The following CASKIN1 variants were observed in gnomAD, a reference collection of about 807,000 sequenced individuals.
CASKIN1 encodes the protein CASK interacting protein 1, also known as caskin-1.
CASKIN1 carries 42 observed loss-of-function variants against 117.5 expected under a neutral mutation model. That is an observed-to-expected ratio of 0.36 (90% CI 0.28 to 0.46). The LOEUF is 0.46. Among genes scored for constraint, CASKIN1 ranks in the 20% least tolerant of loss-of-function variants. The pLI, the probability that CASKIN1 is intolerant of heterozygous loss-of-function variation, is 1.00. For missense variants in CASKIN1, 2,083 were observed against 2,077.3 expected, an observed-to-expected ratio of 1.00 and a Z score of -0.05; for synonymous variants, 1,148 against 961.7, an observed-to-expected ratio of 1.19 and a Z score of -3.59.
intron 6 of CASKIN1, among the ~76,000 whole-genome samples, chr16:2,188,187 C>CT (rs2093190558): frequency 6.7e-6 from 1 of 150,362 alleles, no homozygotes; most frequent in East Asian, 2.0e-4. Flanking sequence ...CACTCAGCTG[C>CT]TTTTTTTATA....
chr16:2,180,147 A>G lies in CASKIN1; in HGVS notation c.3221T>C (p.Leu1074Pro), dbSNP rs780031450. Residue 1074 changes from leucine to proline, a missense_variant, in exon 18 of 20, where the codon CTG (leucine) becomes CCG (proline). Around this residue, in one of 3 missense-constraint regions of CASKIN1, gnomAD observed 1,818 missense variants for 1,688.9 expected, o/e 1.08. Transcript: ENST00000343516. ...CCCAGGCCCCCGGCGGGCAGTGGCC[A>G]GAAGTCCGGTGACTGGCCCGCTGAG... Reference protein sequence around the residue: ...RTLSGPVTGLLATARRGPGES... With the variant: ...RTLSGPVTGLPATARRGPGES... 6.4e-7 allele frequency: 1 copy of G among 1,555,434 alleles called. No homozygotes were observed. Among genetic ancestry groups the G allele is most frequent in the South Asian group, 1.2e-5 (1 of 84,918 alleles).
In CASKIN1 at chr16:2,183,932, C is replaced by T; in HGVS notation, c.1426G>A (p.Ala476Thr). 3.1e-6 allele frequency: 5 copies of T among 1,600,940 alleles called. No homozygotes were observed. In the South Asian group the frequency reaches 3.3e-5, roughly 11 times the overall value. The change falls in exon 15 of 20, where the codon GCC becomes ACC. Residue 476 changes from alanine to threonine, a missense_variant. Ala to Thr is a moderately conservative substitution (Grantham distance 58). Transcript: ENST00000343516. ...AACGCGGTGAGCCACTGGCTCACGG[C>T]CTCAGAGCTCTGGAAGACACAAGGC... ...EPASEGKSSE[A>T]VSQWLTAFQL...
Position 2,180,969 on chromosome 16 carries a change from G to A in CASKIN1, c.2399C>T (p.Ala800Val). The A allele has an allele frequency of 6.8e-7, 1 of 1,468,420 alleles. No individual in the cohort carries two copies. Among genetic ancestry groups the A allele is most frequent in the Non-Finnish European group, 9.0e-7 (1 of 1,115,382 alleles). The allele number at this position is 1,468,420 out of a possible 1,614,324, so 91.0% of individuals were successfully genotyped here. Residue 800 changes from alanine to valine, a missense_variant, in exon 18 of 20, where the codon GCT (alanine) becomes GTT (valine). Physicochemically the swap from Ala to Val is moderately conservative, Grantham distance 64. This residue lies in a region of CASKIN1 where 1,818 missense variants were observed against 1,688.9 expected (regional missense o/e 1.08). Coordinates refer to ENST00000343516, the MANE Select transcript of CASKIN1 (RefSeq NM_020764.4). ...ALGGPHGPAPATAKVKPTPQL... is the reference protein window; with the variant it reads ...ALGGPHGPAPVTAKVKPTPQL... ...CGGGGTGGGCTTCACCTTGGCCGTA[G>A]CTGGGGCTGGACCATGAGGTCCCCC...
Position 2,196,268 on chromosome 16 carries a change from C to T in CASKIN1, c.94+71G>A. 3 of 617,456 alleles carry T rather than the reference C, an allele frequency of 4.9e-6. No individual in the cohort carries two copies. Among genetic ancestry groups the T allele is most frequent in the Non-Finnish European group, 4.3e-6 (2 of 464,756 alleles). 38.2% of individuals were successfully genotyped at this position (617,456 alleles called of 1,614,324 possible). A position where few individuals can be genotyped will look rare whatever the true frequency, so the allele number is the denominator to read the frequency against. On this transcript the variant is annotated intron_variant, in intron 1 of 19. Transcript: ENST00000343516. The surrounding 1 kb of genome is among the most constrained non-coding windows in gnomAD (Gnocchi z 5.7). ...ACAACGTCCCCTCCCCGCCCGGCGCCGGGTGGGGGGCTCCGCGCCGGGGAG... is the reference window on the plus strand; with the variant it reads ...ACAACGTCCCCTCCCCGCCCGGCGCTGGGTGGGGGGCTCCGCGCCGGGGAG...
chr16:2,180,793 C>T lies in CASKIN1; in HGVS notation c.2575G>A (p.Ala859Thr). ...GGGGGCAGGCACAGTGTGGGCACAG[C>T]CGTCGGCACGGGTGGGGGCGCAGGC... ...PGPAPPPVPTAVPTLCLPPEA... is the reference protein window; with the variant it reads ...PGPAPPPVPTTVPTLCLPPEA... Residue 859 changes from alanine (A) to threonine (T), a missense_variant, in exon 18 of 20, where the codon GCT (alanine) becomes ACT (threonine). Coordinates refer to ENST00000343516, the MANE Select transcript of CASKIN1 (RefSeq NM_020764.4). 1 of 1,403,774 alleles carries T rather than the reference C, an allele frequency of 7.1e-7. No individual in the cohort carries two copies. The allele number at this position is 1,403,774 out of a possible 1,614,324, so 87.0% of individuals were successfully genotyped here. A position where few individuals can be genotyped will look rare whatever the true frequency, so the allele number is the denominator to read the frequency against.
chr16:2,186,926 C>A, intron 9 of CASKIN1, 52 bp downstream of exon 9: 1 of 1,603,816 alleles, frequency 6.2e-7, no homozygotes, highest in Non-Finnish European at 8.5e-7. Flanking sequence ...GGGGTGCGCA[C>A]GCCCAGGTGC....
chr16:2,189,595 C>T (rs746432381), intron 3 of CASKIN1, 31 bp from the exon 4 acceptor site: 3 of 1,568,384 alleles, frequency 1.9e-6, no homozygotes, highest in Non-Finnish European at 8.6e-7. Flanking sequence ...GGGAGCTGAC[C>T]CTTGACCCCA....
chr16:2,181,437 C>G lies in CASKIN1; in HGVS notation c.1931G>C (p.Cys644Ser). The G allele has an allele frequency of 6.2e-7, 1 of 1,612,272 alleles. No individual in the cohort carries two copies. The change falls in exon 18 of 20, where the codon TGC becomes TCC. Residue 644 changes from cysteine to serine, a missense_variant. By Grantham distance (112) the Cys-to-Ser change is moderately radical. Coordinates refer to ENST00000343516, the MANE Select transcript of CASKIN1 (RefSeq NM_020764.4). Reference protein sequence around the residue: ...PPPPEPTPADCQSPKMTTFQD... With the variant: ...PPPPEPTPADSQSPKMTTFQD... The stretch of plus-strand genomic sequence containing the variant: ...GAAGGTGGTCATTTTAGGGGACTGG[C>G]AGTCGGCCGGTGTGGGCTCAGGCGG...
At chr16:2,178,760 G>C in intron 19 of CASKIN1, 114 bp from the exon 20 acceptor site, 1 of 1,324,030 alleles carries the variant, frequency 7.6e-7, no homozygotes, top group Middle Eastern at 2.7e-4. Flanking sequence ...ACCGCACGAC[G>C]ACCTCGGCGG....
At position 2,196,545 on chromosome 16, in the gene CASKIN1, CTCGCCGCCCGCCGCCCCT is replaced by C. The variant is rs1446448498; in HGVS notation, c.-131_-114del. ...CCCCCGCCGCCTCCCCCGCCGCCTC[CTCGCCGCCCGCCGCCCCT>C]TCGCCCTCCTCGGGCTCCGGCTTGG... is the stretch of plus-strand genomic sequence containing the variant. On this transcript the variant is annotated 5_prime_UTR_variant, in exon 1 of 20. Transcript: ENST00000343516. This position sits in a 1 kb window ranked among gnomAD's most constrained non-coding sequence, Gnocchi z 5.7. 1.9e-5 allele frequency: 5 copies of C among 270,008 alleles called. No individual in the cohort carries two copies. The highest frequency in any genetic ancestry group is 2.3e-5 in the African/African-American group (1 of 42,930). 16.7% of individuals were successfully genotyped at this position (270,008 alleles called of 1,614,324 possible).
chr16:2,180,219 T>TTGG lies in CASKIN1; in HGVS notation c.3148_3149insCCA (p.His1049_Lys1050insThr). 1.9e-6 allele frequency: 3 copies of TTGG among 1,550,964 alleles called. No homozygotes were observed. Among genetic ancestry groups the TTGG allele is most frequent in the Non-Finnish European group, 2.6e-6 (3 of 1,148,088 alleles). The stretch of plus-strand genomic sequence containing the variant: ...CTCCCCGCCAGGCCCGATGGCCTCT[T>TTGG]TGTGTTTCACTGAGGCCAGCACGGT... On this transcript the variant is annotated inframe_insertion, in exon 18 of 20. Coordinates refer to ENST00000343516, the MANE Select transcript of CASKIN1 (RefSeq NM_020764.4).
intron 16 of CASKIN1, among the ~76,000 whole-genome samples, 166 bp downstream of exon 16, chr16:2,183,480 A>G (rs1005099606): frequency 3.9e-5 from 6 of 152,168 alleles, no homozygotes; most frequent in African/African-American, 1.4e-4. Context: ...CCCCAGTGAC[A>G]AAACAGGGGC....
chr16:2,177,874 GC>G lies in CASKIN1; in HGVS notation c.*675del, dbSNP rs912848897. 58 of 291,536 alleles carry G rather than the reference GC, an allele frequency of 2.0e-4. No individual in the cohort carries two copies. Among genetic ancestry groups the G allele is most frequent in the African/African-American group, 1.1e-3 (52 of 45,518 alleles). 18.1% of individuals were successfully genotyped at this position (291,536 alleles called of 1,614,324 possible). On this transcript the variant is annotated 3_prime_UTR_variant, in exon 20 of 20. Coordinates refer to ENST00000343516, the MANE Select transcript of CASKIN1 (RefSeq NM_020764.4). ...CCCCCGGCAGAGCACCCGCCCCCGG[GC>G]CCCAGCCTTCCACCTGTGCTAGCAG...
rs1393822694 is a variant in CASKIN1, at chr16:2,180,421, A to C, written c.2947T>G (p.Cys983Gly). ...CCGGCCAGGTCACTGGCCCGCCGGC[A>C]CTGTGCCCGGACCCCCAGCAGGCCA... ...EDGLLGVRAQ[C>G]RRASDLAGSV... Residue 983 changes from cysteine to glycine, a missense_variant, in exon 18 of 20, where the codon TGC becomes GGC. By Grantham distance (159) the Cys-to-Gly change is radical. Transcript: ENST00000343516. 7 of 1,571,492 alleles carry C rather than the reference A, an allele frequency of 4.5e-6. No homozygotes were observed. The highest frequency in any genetic ancestry group is 1.3e-5 in the African/African-American group (1 of 74,164).
chr16:2,177,765 CAGG>C lies in CASKIN1; in HGVS notation c.*782_*784del, dbSNP rs2093146056. 4.1e-6 allele frequency: 1 copy of C among 244,498 alleles called. No homozygotes were observed. The highest frequency in any genetic ancestry group is 8.1e-6 in the Non-Finnish European group (1 of 124,088). The allele number at this position is 244,498 out of a possible 1,614,324, so 15.1% of individuals were successfully genotyped here. A position where few individuals can be genotyped will look rare whatever the true frequency, so the allele number is the denominator to read the frequency against. On this transcript the variant is annotated 3_prime_UTR_variant, in exon 20 of 20. Transcript: ENST00000343516. ...CCCGCGCCCTGGGACGCAGCCACGC[CAGG>C]AGGAGGACACGGCCGCCGAGAGCAA...
intron 10 of CASKIN1, 49 bp downstream of exon 10, chr16:2,186,658 C>A: frequency 6.5e-7 from 1 of 1,544,760 alleles, no homozygotes; most frequent in Non-Finnish European, 8.9e-7. Flanking sequence ...GCTTCCAGCC[C>A]CCAAGCCCAG....
Position 2,183,798 on chromosome 16 carries a change from G to A in CASKIN1, c.1527+33C>T, listed in dbSNP as rs369120370. The A allele has an allele frequency of 5.0e-4, 813 of 1,610,146 alleles. 1 individual carries two copies. Among genetic ancestry groups the A allele is most frequent in the Non-Finnish European group, 6.6e-4 (775 of 1,177,390 alleles). On this transcript the variant is annotated intron_variant, in intron 15 of 19. Coordinates refer to ENST00000343516, the MANE Select transcript of CASKIN1 (RefSeq NM_020764.4). ...TAGGGGCTGGGCCCATCTGTGGGACGCAGCTGGCGCTGGCGGCGCATGGAA... is the reference window on the plus strand; with the variant it reads ...TAGGGGCTGGGCCCATCTGTGGGACACAGCTGGCGCTGGCGGCGCATGGAA...
chr16:2,178,863 G>C, intron 19 of CASKIN1, 39 bp downstream of exon 19: 1 of 1,385,618 alleles, frequency 7.2e-7, no homozygotes, highest in Admixed American at 3.6e-5. Context: ...TCTCTGCCGA[G>C]CCCCGCCCTC....
At position 2,181,577 on chromosome 16, in the gene CASKIN1, G is replaced by A. The variant is rs778278356; in HGVS notation, c.1791C>T (p.Leu597=). The A allele has an allele frequency of 4.0e-5, 63 of 1,568,848 alleles. No individual in the cohort carries two copies. The Admixed American group carries it at 4.7e-4, about 12-fold the overall frequency. The change falls in exon 18 of 20, where the codon CTC becomes CTT. Residue 597 remains leucine, a synonymous_variant. Transcript: ENST00000343516. ...TKLGHQKKLM[L]AVRKLAELQK... ...GCAGCTCTGCCAGCTTCCTCACAGCGAGCATCAGCTTCTTCTGGTGCCCTG... is the reference window on the plus strand; with the variant it reads ...GCAGCTCTGCCAGCTTCCTCACAGCAAGCATCAGCTTCTTCTGGTGCCCTG...
Sources: gnomAD v4.1 joint callset for allele counts (sites outside exome capture counted in the v4.1 genomes callset) on GRCh38, gnomAD v4.1.1 for gene constraint, gnomAD v4.1.1 regional missense constraint, Gnocchi (gnomAD v3.1) non-coding constraint, MANE v1.5 for transcripts, NCBI Gene and HGNC (gene_info 2026-07-23, HGNC 2026-07-21) for gene names.